Variants in FGF12 observed in about 807,000 individuals in gnomAD.
The protein encoded by FGF12 is fibroblast growth factor 12.
In FGF12, 14 loss-of-function variants were observed where a neutral mutation model predicts 23.6. The observed-to-expected ratio is 0.59, with a 90% CI of 0.39 to 0.93. FGF12 has a LOEUF of 0.93. Among genes scored for constraint, FGF12 ranks in the 40% least tolerant of loss-of-function variants. FGF12 has a pLI of 0.00. For synonymous variants in FGF12, 62 were observed against 77.3 expected (o/e 0.80, Z 1.04); for missense variants, 175 against 217.8 (o/e 0.80, Z 1.24).
At chr3:192,675,707 C>T (rs80211370) in intron 2 of FGF12, among the ~76,000 whole-genome samples, 5,070 of 152,232 alleles carry the variant, frequency 0.033, 230 homozygotes, top group East Asian at 0.2. Flanking sequence ...AAGAATAATG[C>T]TCAAAGGATT....
chr3:192,446,462 C>A (rs761484786), intron 2 of FGF12, among the ~76,000 whole-genome samples: 5 of 152,138 alleles, frequency 3.3e-5, no homozygotes, highest in Non-Finnish European at 5.9e-5. Context: ...CGTTGAGCAC[C>A]AAGTTATGCA....
intron 2 of FGF12, among the ~76,000 whole-genome samples, chr3:192,448,723 A>G (rs1722433452): frequency 6.6e-6 from 1 of 152,218 alleles, no homozygotes; most frequent in Admixed American, 6.5e-5. Flanking sequence ...CAGGGCCAGT[A>G]ATATAAATAT....
At chr3:192,325,683 T>A (rs532196369) in intron 4 of FGF12, among the ~76,000 whole-genome samples, 1 of 152,288 alleles carries the variant, frequency 6.6e-6, no homozygotes, top group East Asian at 1.9e-4. Flanking sequence ...CTGCGTATCT[T>A]TTTAGGATGG....
At chr3:192,372,333 T>C (rs1355528405) in intron 2 of FGF12, among the ~76,000 whole-genome samples, 1 of 152,052 alleles carries the variant, frequency 6.6e-6, no homozygotes, top group East Asian at 1.9e-4. Flanking sequence ...GTAAATTACC[T>C]TCAGGTATAT....
chr3:192,406,271 A>C (rs934887206), intron 2 of FGF12, among the ~76,000 whole-genome samples: 2 of 151,650 alleles, frequency 1.3e-5, no homozygotes, highest in Admixed American at 6.6e-5. Flanking sequence ...AGTTTATGTT[A>C]CCCGTTCACA....
chr3:192,378,058 CT>C (rs1177642723), intron 2 of FGF12, among the ~76,000 whole-genome samples: 2 of 111,032 alleles, frequency 1.8e-5, no homozygotes, highest in African/African-American at 1.1e-4. Context: ...TTCTTTCTTT[CT>C]TTCTTTCTTT....
At chr3:192,543,930 T>G (rs2108579242) in intron 2 of FGF12, among the ~76,000 whole-genome samples, 1 of 152,214 alleles carries the variant, frequency 6.6e-6, no homozygotes, top group Middle Eastern at 3.4e-3. Context: ...TCTCCTAAGG[T>G]GGAGGGAAGA....
Position 192,183,218 on chromosome 3 carries a change from C to G in FGF12, c.229-12562G>C, listed in dbSNP as rs190504856. ...TTTTTTTTTAGAAAAGCAAAGAAGC[C>G]CCAACAACATGAAGATACCCAGCAG... On this transcript the variant is annotated intron_variant, in intron 4 of 5. Transcript: ENST00000445105. Among the ~76,000 whole-genome samples the G allele has an allele frequency of 9.4e-3, 1,428 of 151,862 alleles. 13 individuals are homozygous for G. Among genetic ancestry groups the G allele is most frequent in the Non-Finnish European group, 0.015 (991 of 67,944 alleles).
At chr3:192,280,632 C>T (rs1384707952) in intron 4 of FGF12, among the ~76,000 whole-genome samples, 2 of 151,854 alleles carry the variant, frequency 1.3e-5, no homozygotes, top group African/African-American at 4.8e-5. Context: ...ATTTTTTTCT[C>T]ACAACGAACC....
rs538712391 is a variant in FGF12, at chr3:192,671,610, G to A, written c.13+55571C>T. 9.9e-5 allele frequency among the ~76,000 whole-genome samples: 15 copies of A among 152,154 alleles called. No individual in the cohort carries two copies. The East Asian group carries it at 1.5e-3, about 16-fold the overall frequency. On this transcript the variant is annotated intron_variant, in intron 2 of 5. Coordinates refer to ENST00000445105, the MANE Select transcript of FGF12 (RefSeq NM_004113.6). ...TCAGTTTTTTCTTCCACTGTAAGAC[G>A]GACATGAAATGCCCTTTATGATATT...
At chr3:192,148,746 TA>T (rs1394938163) in intron 5 of FGF12, among the ~76,000 whole-genome samples, 1 of 152,084 alleles carries the variant, frequency 6.6e-6, no homozygotes, top group South Asian at 2.1e-4. Flanking sequence ...TCCCCAATAA[TA>T]AAAAACATTA....
intron 2 of FGF12, among the ~76,000 whole-genome samples, chr3:192,687,356 C>T (rs1048794674): frequency 6.6e-6 from 1 of 151,898 alleles, no homozygotes; most frequent in Admixed American, 6.6e-5. Flanking sequence ...AAGACTCTCA[C>T]GCCCCACACA....
At chr3:192,389,362 A>G (rs1720195841) in intron 2 of FGF12, among the ~76,000 whole-genome samples, 1 of 152,212 alleles carries the variant, frequency 6.6e-6, no homozygotes. Flanking sequence ...ACTCCATCTC[A>G]AACAACGACA....
chr3:192,145,219 A>G (rs1713629582), intron 5 of FGF12, among the ~76,000 whole-genome samples: 1 of 152,246 alleles, frequency 6.6e-6, no homozygotes, highest in African/African-American at 2.4e-5. Context: ...AATGCCTTGC[A>G]TAGAGCAAGT....
chr3:192,460,355 G>A (rs1255863178), intron 2 of FGF12, among the ~76,000 whole-genome samples: 1 of 152,102 alleles, frequency 6.6e-6, no homozygotes, highest in African/African-American at 2.4e-5. Context: ...TCTAAATTCA[G>A]AAACCTGCCT....
At chr3:192,658,084 A>G (rs183607557) in intron 2 of FGF12, among the ~76,000 whole-genome samples, 169 of 152,328 alleles carry the variant, frequency 1.1e-3, no homozygotes, top group Middle Eastern at 3.4e-3. Flanking sequence ...GACGCTGTGA[A>G]GTTTAACTAG....
intron 2 of FGF12, among the ~76,000 whole-genome samples, chr3:192,581,306 C>T (rs907503798): frequency 6.6e-6 from 1 of 151,778 alleles, no homozygotes; most frequent in Non-Finnish European, 1.5e-5. Flanking sequence ...TGGCTTATGC[C>T]TGTAATCCCA....
chr3:192,329,164 G>A (rs1398745826), intron 4 of FGF12, among the ~76,000 whole-genome samples: 5 of 152,106 alleles, frequency 3.3e-5, no homozygotes, highest in Admixed American at 3.3e-4. Context: ...TGAATACGAT[G>A]TAATTCCTGC....
intron 5 of FGF12, among the ~76,000 whole-genome samples, chr3:192,155,320 G>C (rs150310353): frequency 6.6e-6 from 1 of 152,258 alleles, no homozygotes; most frequent in African/African-American, 2.4e-5. Flanking sequence ...GTTCCTATTC[G>C]GCCGTCTTTC....
Sources: allele counts gnomAD v4.1 joint callset (sites outside exome capture counted in the v4.1 genomes callset), GRCh38; gene constraint gnomAD v4.1.1; transcripts MANE v1.5; gene names NCBI Gene and HGNC (gene_info 2026-07-23, HGNC 2026-07-21).